Variants in ADCY8 observed in about 807,000 individuals in gnomAD.
ADCY8 encodes adenylate cyclase 8.
In ADCY8, 51 loss-of-function variants were observed where a neutral mutation model predicts 119.7. The ratio of observed to expected loss-of-function variants is 0.43; its 90% CI spans 0.34 to 0.54. The LOEUF (loss-of-function observed/expected upper bound fraction) is 0.54. ADCY8 is among the 20% of genes least tolerant of loss of function. ADCY8 has a pLI of 0.03. For synonymous variants in ADCY8, 665 were observed against 651.0 expected, an observed-to-expected ratio of 1.02 and a Z score of -0.33; for missense variants, 1,383 against 1,598.8, an observed-to-expected ratio of 0.87 and a Z score of 2.30.
At chr8:130,829,184 T>C (rs971303500) in intron 12 of ADCY8, among the ~76,000 whole-genome samples, 10 of 152,328 alleles carry the variant, frequency 6.6e-5, no homozygotes, top group African/African-American at 2.4e-4. Context: ...AGTTTATCGA[T>C]CTGGGTAGGC....
At chr8:130,842,661 C>T (rs1370498012) in intron 11 of ADCY8, among the ~76,000 whole-genome samples, 1 of 151,804 alleles carries the variant, frequency 6.6e-6, no homozygotes, top group African/African-American at 2.4e-5. Context: ...TCACTTGTGG[C>T]CAGGAGTTTG....
chr8:130,974,789 GT>G (rs1300462367), intron 2 of ADCY8, among the ~76,000 whole-genome samples: 1 of 152,192 alleles, frequency 6.6e-6, no homozygotes, highest in Non-Finnish European at 1.5e-5. Context: ...AAACGTGAAG[GT>G]TAAAAGGAGA....
At chr8:130,811,421 C>T (rs1816162710) in intron 14 of ADCY8, among the ~76,000 whole-genome samples, 1 of 152,206 alleles carries the variant, frequency 6.6e-6, no homozygotes, top group South Asian at 2.1e-4. Flanking sequence ...CATAAATTAA[C>T]TATAAACCAA....
intron 14 of ADCY8, among the ~76,000 whole-genome samples, chr8:130,806,840 A>T (rs576592874): frequency 6.6e-6 from 1 of 151,920 alleles, no homozygotes; most frequent in Non-Finnish European, 1.5e-5. Flanking sequence ...CTCACCCGTG[A>T]CCCCTCAGGA....
intron 15 of ADCY8, among the ~76,000 whole-genome samples, chr8:130,787,066 G>T (rs1586410683): frequency 6.6e-6 from 1 of 152,160 alleles, no homozygotes; most frequent in Non-Finnish European, 1.5e-5. Flanking sequence ...TGAAGGAAAA[G>T]AGCTGAGAGA....
At chr8:130,864,190 G>T (rs1818037063) in intron 9 of ADCY8, among the ~76,000 whole-genome samples, 1 of 152,154 alleles carries the variant, frequency 6.6e-6, no homozygotes, top group Non-Finnish European at 1.5e-5. Flanking sequence ...TCCTCTACAG[G>T]TAAGGCAGTG....
intron 9 of ADCY8, among the ~76,000 whole-genome samples, chr8:130,851,713 T>G (rs569673548): frequency 6.6e-5 from 10 of 152,128 alleles, no homozygotes; most frequent in Non-Finnish European, 1.5e-4. Context: ...TATTAATCTG[T>G]GTTTTGTATG....
chr8:130,857,501 G>A (rs959355095), intron 9 of ADCY8, among the ~76,000 whole-genome samples: 4 of 151,952 alleles, frequency 2.6e-5, no homozygotes, highest in South Asian at 2.1e-4. Flanking sequence ...CCTCTGACCC[G>A]TAGCATTTCT....
intron 5 of ADCY8, among the ~76,000 whole-genome samples, chr8:130,922,938 A>G (rs556874217): frequency 6.6e-6 from 1 of 152,338 alleles, no homozygotes; most frequent in African/African-American, 2.4e-5. Context: ...ATTGTTCTTC[A>G]CAGAGTTTTG....
intron 5 of ADCY8, among the ~76,000 whole-genome samples, chr8:130,929,393 A>G (rs920351264): frequency 6.6e-6 from 1 of 152,084 alleles, no homozygotes; most frequent in African/African-American, 2.4e-5. Context: ...TCATTGATCC[A>G]TTGGTTGTCC....
chr8:131,002,800 A>G (rs1016406055), intron 1 of ADCY8, among the ~76,000 whole-genome samples: 4 of 151,810 alleles, frequency 2.6e-5, no homozygotes, highest in African/African-American at 9.6e-5. Context: ...AGAAATTACA[A>G]AGTAAGAAGG....
At chr8:130,895,412 T>C (rs1819353340) in intron 7 of ADCY8, among the ~76,000 whole-genome samples, 1 of 152,162 alleles carries the variant, frequency 6.6e-6, no homozygotes, top group Non-Finnish European at 1.5e-5. Flanking sequence ...CTCAGTCCTA[T>C]CTCTACCTTT....
At chr8:130,917,370 C>T (rs1339365462) in intron 5 of ADCY8, among the ~76,000 whole-genome samples, 1 of 152,136 alleles carries the variant, frequency 6.6e-6, no homozygotes, top group Non-Finnish European at 1.5e-5. Flanking sequence ...AAGCTGGAGC[C>T]CAGAGAGGTT....
At chr8:131,027,602 G>A (rs1823860955) in intron 1 of ADCY8, among the ~76,000 whole-genome samples, 1 of 152,214 alleles carries the variant, frequency 6.6e-6, no homozygotes, top group Non-Finnish European at 1.5e-5. Flanking sequence ...AGAATTTCAT[G>A]TAGATATCAG....
intron 12 of ADCY8, among the ~76,000 whole-genome samples, chr8:130,825,184 T>C (rs1449103707): frequency 1.3e-5 from 2 of 152,242 alleles, no homozygotes; most frequent in Admixed American, 1.3e-4. Context: ...ATTTATCATT[T>C]CTTTGGGAAC....
intron 13 of ADCY8, among the ~76,000 whole-genome samples, chr8:130,817,690 T>C (rs1365273104): frequency 1.3e-5 from 2 of 152,164 alleles, no homozygotes; most frequent in African/African-American, 2.4e-5. Flanking sequence ...AAAATGACAC[T>C]TAAAAACCAG....
At chr8:131,001,915 C>T (rs1198933505) in intron 1 of ADCY8, among the ~76,000 whole-genome samples, 1 of 152,104 alleles carries the variant, frequency 6.6e-6, no homozygotes, top group Non-Finnish European at 1.5e-5. Flanking sequence ...AGAGGGGGTG[C>T]TTAGGGATCA....
intron 1 of ADCY8, among the ~76,000 whole-genome samples, chr8:131,021,421 C>A (rs1359733238): frequency 6.6e-6 from 1 of 152,072 alleles, no homozygotes; most frequent in Non-Finnish European, 1.5e-5. Flanking sequence ...TGTGGGTCTC[C>A]CAGAGGGATC....
intron 7 of ADCY8, among the ~76,000 whole-genome samples, chr8:130,897,778 TAC>T (rs1486826112): frequency 1.3e-5 from 2 of 149,462 alleles, no homozygotes; most frequent in African/African-American, 2.5e-5. Context: ...CATCCATATA[TAC>T]ACACATCTCA....
Sources: allele counts gnomAD v4.1 joint callset (sites outside exome capture counted in the v4.1 genomes callset), GRCh38; gene constraint gnomAD v4.1.1; transcripts MANE v1.5; gene names NCBI Gene and HGNC (gene_info 2026-07-23, HGNC 2026-07-21).